Variants in VAT1L observed in about 807,000 individuals in gnomAD.
VAT1L encodes the protein putative NADPH-dependent quinone oxidoreductase VAT1L.
A neutral mutation model predicts 44.1 loss-of-function variants in VAT1L; 34 were observed. The observed-to-expected ratio is 0.77, with a 90% CI of 0.59 to 1.03. The LOEUF (loss-of-function observed/expected upper bound fraction) is 1.03, where lower values mean the gene tolerates loss of function less well. Among genes scored for constraint, VAT1L ranks in the 50% least tolerant of loss-of-function variants. VAT1L has a pLI of 0.00. For missense variants in VAT1L, 615 were observed against 538.8 expected (o/e 1.14, Z -1.40); for synonymous variants, 253 against 202.2 (o/e 1.25, Z -2.13).
At chr16:77,972,071 T>C in intron 8 of VAT1L, 138 bp downstream of exon 8, 1 of 716,986 alleles carries the variant, frequency 1.4e-6, no homozygotes, top group East Asian at 2.7e-5. Context: ...AATCAAATGA[T>C]GTCATACATG....
chr16:77,857,148 T>G (rs1386074143), intron 3 of VAT1L, among the ~76,000 whole-genome samples: 2 of 152,160 alleles, frequency 1.3e-5, no homozygotes, highest in Non-Finnish European at 2.9e-5. Context: ...GAAAATCCAT[T>G]AAAAACAAGC....
chr16:77,811,633 T>G (rs1366154646), intron 1 of VAT1L, among the ~76,000 whole-genome samples: 1 of 152,138 alleles, frequency 6.6e-6, no homozygotes, highest in Non-Finnish European at 1.5e-5. Flanking sequence ...AAATGGAGAT[T>G]AAAACACTCC....
intron 7 of VAT1L, among the ~76,000 whole-genome samples, chr16:77,950,141 G>C (rs1207732167): frequency 6.6e-6 from 1 of 152,166 alleles, no homozygotes; most frequent in African/African-American, 2.4e-5. Context: ...AGGTGCAGTG[G>C]CTCACGCCTG....
chr16:77,809,968 G>A (rs576329453), intron 1 of VAT1L, among the ~76,000 whole-genome samples: 2 of 152,254 alleles, frequency 1.3e-5, no homozygotes, highest in South Asian at 4.1e-4. Flanking sequence ...ATTTTCACAG[G>A]CTACAAATCC....
At position 77,788,772 on chromosome 16, in the gene VAT1L, C is replaced by CGGG; in HGVS notation, c.91_92insGGG (p.Gly30dup). 6.4e-7 allele frequency: 1 copy of CGGG among 1,562,208 alleles called. No homozygotes were observed. Reference sequence around the variant, plus strand: ...AGGAGCCGGCGGAGGGCGGCGGCGGCGACGGCTCGCACCGCCTCGGGGACG... The same window carrying CGGG: ...AGGAGCCGGCGGAGGGCGGCGGCGGCGGGGACGGCTCGCACCGCCTCGGGGACG... On this transcript the variant is annotated inframe_insertion, in exon 1 of 9. Coordinates refer to ENST00000302536, the MANE Select transcript of VAT1L (RefSeq NM_020927.3).
At chr16:77,924,844 G>C (rs370335665) in intron 7 of VAT1L, among the ~76,000 whole-genome samples, 44 of 152,224 alleles carry the variant, frequency 2.9e-4, no homozygotes, top group African/African-American at 9.9e-4. Flanking sequence ...AATGTCTCAA[G>C]AATATCAGCA....
chr16:77,931,206 C>T (rs1341459398), intron 7 of VAT1L, among the ~76,000 whole-genome samples: 2 of 152,182 alleles, frequency 1.3e-5, no homozygotes, highest in East Asian at 1.9e-4. Context: ...CATTGAACGA[C>T]GTGGGTGGGC....
Position 77,901,308 on chromosome 16 carries a change from C to T in VAT1L, c.1077+16506C>T, listed in dbSNP as rs193270909. ...CCTCCTGGATAGCTGGAACTACAGG[C>T]GCCCGCCACCATGCCCGGCTAATTT... On this transcript the variant is annotated intron_variant, in intron 7 of 8. Coordinates refer to ENST00000302536, the MANE Select transcript of VAT1L (RefSeq NM_020927.3). Among the ~76,000 whole-genome samples the T allele has an allele frequency of 5.3e-4, 81 of 151,722 alleles. 1 individual carries two copies. In the East Asian group the frequency reaches 0.014, roughly 27 times the overall value.
At chr16:77,944,738 C>A (rs142034364) in intron 7 of VAT1L, among the ~76,000 whole-genome samples, 4 of 152,216 alleles carry the variant, frequency 2.6e-5, no homozygotes, top group African/African-American at 9.6e-5. Context: ...TAGATATTTT[C>A]ATCATTATTA....
intron 1 of VAT1L, among the ~76,000 whole-genome samples, chr16:77,797,483 C>A (rs2145208623): frequency 6.6e-6 from 1 of 152,302 alleles, no homozygotes; most frequent in South Asian, 2.1e-4. Flanking sequence ...TTGGACTGAT[C>A]TATTGCTGCC....
chr16:77,948,446 T>C (rs2017997927), intron 7 of VAT1L, among the ~76,000 whole-genome samples: 2 of 152,196 alleles, frequency 1.3e-5, no homozygotes, highest in African/African-American at 4.8e-5. Context: ...AGCAATACGG[T>C]GTCACAGTTG....
At chr16:77,807,325 T>C (rs1037158875) in intron 1 of VAT1L, among the ~76,000 whole-genome samples, 3 of 152,158 alleles carry the variant, frequency 2.0e-5, no homozygotes, top group Admixed American at 6.5e-5. Context: ...TCCTGAGGAA[T>C]TGTTCTCAGC....
chr16:77,911,642 A>G (rs1361855928), intron 7 of VAT1L, among the ~76,000 whole-genome samples: 1 of 152,176 alleles, frequency 6.6e-6, no homozygotes, highest in Non-Finnish European at 1.5e-5. Context: ...ACCAGATTGC[A>G]CTTCCCAAAG....
chr16:77,942,645 C>A (rs766349010), intron 7 of VAT1L, among the ~76,000 whole-genome samples: 3 of 152,150 alleles, frequency 2.0e-5, no homozygotes, highest in African/African-American at 7.2e-5. Context: ...ATAGAAGGAT[C>A]GAGTTGAGGG....
intron 7 of VAT1L, among the ~76,000 whole-genome samples, chr16:77,958,103 T>G (rs187157394): frequency 1.3e-5 from 2 of 152,058 alleles, no homozygotes; most frequent in African/African-American, 4.8e-5. Context: ...AGATGAGCAT[T>G]TGCCATGTGG....
chr16:77,918,183 C>T (rs1023463309), intron 7 of VAT1L, among the ~76,000 whole-genome samples: 14 of 152,170 alleles, frequency 9.2e-5, no homozygotes, highest in African/African-American at 3.4e-4. Flanking sequence ...CACTGACACT[C>T]ACCAGCTGGC....
rs570766480 is a variant in VAT1L, at chr16:77,979,190, C to T, written c.*1495C>T. The T allele has an allele frequency of 6.6e-6, 1 of 152,604 alleles. No homozygotes were observed. The highest frequency in any genetic ancestry group is 1.5e-5 in the Non-Finnish European group (1 of 68,034). 9.5% of individuals were successfully genotyped at this position (152,604 alleles called of 1,614,324 possible). A position where few individuals can be genotyped will look rare whatever the true frequency, so the allele number is the denominator to read the frequency against. The stretch of plus-strand genomic sequence containing the variant: ...CCTCATTCGTGGTCTTTTTACCTAT[C>T]CTAAGCTTATGATGATGAGTTATGT... On this transcript the variant is annotated 3_prime_UTR_variant, in exon 9 of 9. Coordinates refer to ENST00000302536, the MANE Select transcript of VAT1L (RefSeq NM_020927.3).
At chr16:77,789,563 C>A (rs1338003388) in intron 1 of VAT1L, among the ~76,000 whole-genome samples, 1 of 152,146 alleles carries the variant, frequency 6.6e-6, no homozygotes, top group African/African-American at 2.4e-5. Flanking sequence ...CTTCCTTCCC[C>A]GTAGCCTGAC....
intron 7 of VAT1L, among the ~76,000 whole-genome samples, chr16:77,916,837 A>G (rs391175): frequency 2.1e-4 from 32 of 151,456 alleles, no homozygotes; most frequent in Admixed American, 4.6e-4. Context: ...CACATCTTCA[A>G]AGCAACCCCT....
Sources: gnomAD v4.1 joint callset for allele counts (sites outside exome capture counted in the v4.1 genomes callset) on GRCh38, gnomAD v4.1.1 for gene constraint, MANE v1.5 for transcripts, NCBI Gene and HGNC (gene_info 2026-07-23, HGNC 2026-07-21) for gene names.